Variants in SLC16A7 observed in about 807,000 individuals in gnomAD.
The protein encoded by SLC16A7 is solute carrier family 16 member 7.
A neutral mutation model predicts 34.9 loss-of-function variants in SLC16A7; 33 were observed. That is an observed-to-expected ratio of 0.94 (90% CI 0.72 to 1.26). The LOEUF (loss-of-function observed/expected upper bound fraction) is 1.26, where lower values mean the gene tolerates loss of function less well. SLC16A7 is among the 50% of genes most tolerant of loss of function. SLC16A7 has a pLI of 0.00. For synonymous variants in SLC16A7, 201 were observed against 206.6 expected (o/e 0.97, Z 0.23); for missense variants, 573 against 578.1 (o/e 0.99, Z 0.09).
In SLC16A7 at chr12:59,663,978, G is replaced by A. The variant is rs576624359; in HGVS notation, c.-31+8728G>A. Among the ~76,000 whole-genome samples the A allele has an allele frequency of 3.3e-5, 5 of 152,030 alleles. No individual in the cohort carries two copies. The East Asian group carries it at 7.8e-4, about 24-fold the overall frequency. On this transcript the variant is annotated intron_variant, in intron 2 of 5. Transcript: ENST00000547379. ...TCTAAATAATTGTATCTTTCACATA[G>A]GAAATCAGATATTTCTCATCCACTG...
chr12:59,661,751 A>T (rs1868862907), intron 2 of SLC16A7, among the ~76,000 whole-genome samples: 1 of 152,070 alleles, frequency 6.6e-6, no homozygotes, highest in African/African-American at 2.4e-5. Flanking sequence ...TCCCCCAATT[A>T]GGTTTTTCTA....
chr12:59,733,527 T>A (rs1315768786), intron 3 of SLC16A7, among the ~76,000 whole-genome samples: 1 of 152,114 alleles, frequency 6.6e-6, no homozygotes, highest in Non-Finnish European at 1.5e-5. Flanking sequence ...AATGCAGTGG[T>A]GCCTGGAAGC....
rs902780952 is a variant in SLC16A7, at chr12:59,596,125, G to A, written c.-241G>A. On this transcript the variant is annotated 5_prime_UTR_variant, in exon 1 of 6. Transcript: ENST00000547379. The surrounding 1 kb of genome is among the most constrained non-coding windows in gnomAD (Gnocchi z 5.0). ...CTGTGGCGGGCGAGGACACGTCAGGGGCCATAAATAAATAAATAATTCCAT... is the reference window on the plus strand; with the variant it reads ...CTGTGGCGGGCGAGGACACGTCAGGAGCCATAAATAAATAAATAATTCCAT... The A allele has an allele frequency of 1.3e-5, 2 of 152,156 alleles. No individual in the cohort carries two copies. Among genetic ancestry groups the A allele is most frequent in the African/African-American group, 4.8e-5 (2 of 41,420 alleles). The allele number at this position is 152,156 out of a possible 1,614,324, so 9.4% of individuals were successfully genotyped here. A position where few individuals can be genotyped will look rare whatever the true frequency, so the allele number is the denominator to read the frequency against.
At chr12:59,694,320 A>C (rs1029647639) in intron 2 of SLC16A7, among the ~76,000 whole-genome samples, 1 of 151,952 alleles carries the variant, frequency 6.6e-6, no homozygotes, top group African/African-American at 2.4e-5. Context: ...TCAGACACAC[A>C]AACTCTAAAA....
intron 3 of SLC16A7, among the ~76,000 whole-genome samples, chr12:59,741,031 A>G (rs1878267261): frequency 6.6e-6 from 1 of 152,210 alleles, no homozygotes; most frequent in Non-Finnish European, 1.5e-5. Context: ...TTCAAGGAGA[A>G]CTACAAACCA....
chr12:59,707,936 G>C (rs1423486389), intron 3 of SLC16A7, among the ~76,000 whole-genome samples: 1 of 152,090 alleles, frequency 6.6e-6, no homozygotes, highest in African/African-American at 2.4e-5. Context: ...CCATTGTCTA[G>C]TGGATGAAAA....
At chr12:59,660,773 T>G (rs1370239333) in intron 2 of SLC16A7, among the ~76,000 whole-genome samples, 1 of 152,068 alleles carries the variant, frequency 6.6e-6, no homozygotes, top group Non-Finnish European at 1.5e-5. Flanking sequence ...AAAGTTTACC[T>G]TAAGTTTTAT....
intron 1 of SLC16A7, among the ~76,000 whole-genome samples, chr12:59,634,575 G>C (rs555047863): frequency 6.6e-6 from 1 of 152,076 alleles, no homozygotes; most frequent in East Asian, 2.0e-4. Flanking sequence ...ATAGGCCAGG[G>C]TGGTCAGATA....
intron 2 of SLC16A7, among the ~76,000 whole-genome samples, chr12:59,693,116 A>G (rs775510450): frequency 6.6e-6 from 1 of 152,000 alleles, no homozygotes; most frequent in Non-Finnish European, 1.5e-5. Flanking sequence ...CTTTATAAGT[A>G]GGATGTAGAG....
At chr12:59,766,816 G>T (rs1449272425) in intron 3 of SLC16A7, among the ~76,000 whole-genome samples, 1 of 152,088 alleles carries the variant, frequency 6.6e-6, no homozygotes, top group Admixed American at 6.6e-5. Flanking sequence ...TCTCTGCCAG[G>T]CTTTGGTATC....
At chr12:59,733,057 T>C (rs1877142850) in intron 3 of SLC16A7, among the ~76,000 whole-genome samples, 2 of 152,120 alleles carry the variant, frequency 1.3e-5, no homozygotes, top group African/African-American at 4.8e-5. Context: ...TCAACAAATA[T>C]GAGTTGTCTT....
intron 1 of SLC16A7, among the ~76,000 whole-genome samples, chr12:59,623,052 G>C (rs1238979999): frequency 2.4e-5 from 2 of 84,940 alleles, no homozygotes; most frequent in African/African-American, 9.5e-5. Flanking sequence ...AATGCTGTGT[G>C]TGTGTGTGTG....
At chr12:59,618,361 T>C (rs1461179064) in intron 1 of SLC16A7, among the ~76,000 whole-genome samples, 1 of 152,000 alleles carries the variant, frequency 6.6e-6, no homozygotes, top group Admixed American at 6.6e-5. Flanking sequence ...TATGTTTCCA[T>C]ATAATCTCAT....
At chr12:59,744,217 T>C (rs1380215014) in intron 3 of SLC16A7, among the ~76,000 whole-genome samples, 2 of 152,112 alleles carry the variant, frequency 1.3e-5, no homozygotes, top group East Asian at 3.9e-4. Flanking sequence ...CCCACTGGAA[T>C]GTTGCCTTTT....
In SLC16A7 at chr12:59,774,811, T is replaced by C. The variant is rs2137456286; in HGVS notation, c.516T>C (p.Phe172=). Residue 172 remains phenylalanine, a synonymous_variant, in exon 5 of 6, where the codon TTT becomes TTC. Coordinates refer to ENST00000547379, the MANE Select transcript of SLC16A7 (RefSeq NM_001270623.2). ...APFNQYLFNT[F]GWKGSFLILG... ...TCAATCAGTACCTTTTTAATACTTT[T>C]GGCTGGAAAGGAAGCTTCCTGATTT... 1.9e-6 allele frequency: 3 copies of C among 1,613,980 alleles called. No individual in the cohort carries two copies. The highest frequency in any genetic ancestry group is 2.5e-6 in the Non-Finnish European group (3 of 1,179,976).
chr12:59,625,175 A>G (rs1161921848), intron 1 of SLC16A7, among the ~76,000 whole-genome samples: 1 of 151,786 alleles, frequency 6.6e-6, no homozygotes, highest in East Asian at 1.9e-4. Context: ...AATTTGAAAT[A>G]TGGAGGAGTT....
At chr12:59,740,149 G>A (rs1293149051) in intron 3 of SLC16A7, among the ~76,000 whole-genome samples, 12 of 151,464 alleles carry the variant, frequency 7.9e-5, no homozygotes, top group Non-Finnish European at 1.2e-4. Context: ...TAATGCCTAG[G>A]TTTTCTTCTA....
chr12:59,718,867 T>G (rs959895571), intron 3 of SLC16A7, among the ~76,000 whole-genome samples: 5 of 152,154 alleles, frequency 3.3e-5, no homozygotes, highest in Non-Finnish European at 7.4e-5. Flanking sequence ...TCTGTTACTC[T>G]GGCCATCTTT....
intron 3 of SLC16A7, among the ~76,000 whole-genome samples, chr12:59,707,241 G>A (rs1327987193): frequency 2.0e-5 from 3 of 152,058 alleles, no homozygotes; most frequent in Non-Finnish European, 1.5e-5. Flanking sequence ...GGGAAATACA[G>A]CCTTCCCAAA....
Sources: gnomAD v4.1 joint callset for allele counts (sites outside exome capture counted in the v4.1 genomes callset) on GRCh38, gnomAD v4.1.1 for gene constraint, Gnocchi (gnomAD v3.1) non-coding constraint, MANE v1.5 for transcripts, NCBI Gene and HGNC (gene_info 2026-07-23, HGNC 2026-07-21) for gene names.